ENTPD1: variants seen among roughly 807,000 people sequenced by gnomAD.
ENTPD1 encodes the protein ectonucleoside triphosphate diphosphohydrolase 1, also known as ATP diphosphohydrolase.
A neutral mutation model predicts 57.0 loss-of-function variants in ENTPD1; 33 were observed. The observed-to-expected ratio is 0.58, with a 90% CI of 0.44 to 0.77. ENTPD1 has a LOEUF of 0.77. Ranked by LOEUF, ENTPD1 falls within the 30% of genes least tolerant of loss-of-function variation. ENTPD1 has a pLI of 0.00. For synonymous variants in ENTPD1, 202 were observed against 218.8 expected (o/e 0.92, Z 0.68); for missense variants, 501 against 603.4 (o/e 0.83, Z 1.78).
intron 1 of ENTPD1, among the ~76,000 whole-genome samples, chr10:95,731,007 C>A (rs758492886): frequency 2.0e-4 from 31 of 152,218 alleles, no homozygotes; most frequent in Non-Finnish European, 4.3e-4. Context: ...AACTAGAATT[C>A]AAGTCTCCTC....
At chr10:95,727,946 A>G (rs1258155658) in intron 1 of ENTPD1, among the ~76,000 whole-genome samples, 1 of 152,204 alleles carries the variant, frequency 6.6e-6, no homozygotes, top group Non-Finnish European at 1.5e-5. Context: ...TAAATTATCT[A>G]AGTTTATTAT....
chr10:95,804,695 T>G (rs1275435140), intron 1 of ENTPD1, among the ~76,000 whole-genome samples: 2 of 152,192 alleles, frequency 1.3e-5, no homozygotes, highest in East Asian at 1.9e-4. Context: ...GATTGCCCTG[T>G]CCAGAACTTC....
chr10:95,821,996 CTTTTTTT>C (rs71034351), intron 1 of ENTPD1, among the ~76,000 whole-genome samples: 5 of 92,916 alleles, frequency 5.4e-5, no homozygotes, highest in African/African-American at 2.1e-4. Context: ...TAGCTTTTGC[CTTTTTTT>C]TTTTTTTTTT....
chr10:95,813,797 A>G (rs1445555030), intron 1 of ENTPD1, among the ~76,000 whole-genome samples: 1 of 152,198 alleles, frequency 6.6e-6, no homozygotes. Context: ...CATTGGTGCA[A>G]AAATAAGGCG....
chr10:95,858,972 ATG>A (rs1371445417), intron 7 of ENTPD1, among the ~76,000 whole-genome samples: 2 of 152,190 alleles, frequency 1.3e-5, no homozygotes, highest in African/African-American at 2.4e-5. Flanking sequence ...AACCCTTTAT[ATG>A]TGTGTGTTTG....
chr10:95,729,126 A>C (rs937219202), intron 1 of ENTPD1, among the ~76,000 whole-genome samples: 2 of 152,120 alleles, frequency 1.3e-5, no homozygotes, highest in African/African-American at 4.8e-5. Flanking sequence ...ATCCACATGT[A>C]AGTGGACTCT....
At chr10:95,801,726 C>T (rs1039542779) in intron 1 of ENTPD1, among the ~76,000 whole-genome samples, 3 of 152,114 alleles carry the variant, frequency 2.0e-5, no homozygotes, top group Non-Finnish European at 2.9e-5. Flanking sequence ...GTTTTGGTTA[C>T]TGTAACCCTG....
At chr10:95,845,034 A>G (rs964464261) in intron 5 of ENTPD1, among the ~76,000 whole-genome samples, 1 of 152,196 alleles carries the variant, frequency 6.6e-6, no homozygotes, top group African/African-American at 2.4e-5. Flanking sequence ...CCCCATATCG[A>G]TGCCTAGAGA....
chr10:95,849,180 G>T (rs948798111), intron 7 of ENTPD1, among the ~76,000 whole-genome samples: 2 of 152,172 alleles, frequency 1.3e-5, no homozygotes, highest in African/African-American at 4.8e-5. Context: ...AAATATTTGA[G>T]CAGAGGCAGA....
intron 2 of ENTPD1, among the ~76,000 whole-genome samples, chr10:95,835,362 CTA>C (rs1393099360): frequency 2.0e-5 from 3 of 152,136 alleles, no homozygotes; most frequent in African/African-American, 7.2e-5. Flanking sequence ...TGGGTTGATT[CTA>C]TGTCTTTGCT....
At position 95,868,229 on chromosome 10, in the gene ENTPD1, A is replaced by G. The variant is rs1380851204; in HGVS notation, c.*1846A>G. The G allele has an allele frequency of 1.0e-6, 1 of 985,310 alleles. No individual in the cohort carries two copies. The highest frequency in any genetic ancestry group is 1.7e-5 in the African/African-American group (1 of 57,232). 61.0% of individuals were successfully genotyped at this position (985,310 alleles called of 1,614,324 possible). ...AAAGCCTACCATGTACCTAACCTTT[A>G]TTTTCTTTCCCGAACATACCAGGCT... On this transcript the variant is annotated 3_prime_UTR_variant, in exon 10 of 10. Coordinates refer to ENST00000371205, the MANE Select transcript of ENTPD1 (RefSeq NM_001776.6).
intron 1 of ENTPD1, among the ~76,000 whole-genome samples, chr10:95,793,912 C>G (rs2098216085): frequency 6.6e-6 from 1 of 152,008 alleles, no homozygotes; most frequent in South Asian, 2.1e-4. Context: ...ATTGTGAAAT[C>G]AAATAGGATC....
Position 95,866,930 on chromosome 10 carries a change from C to G in ENTPD1, c.*547C>G, listed in dbSNP as rs1340817116. On this transcript the variant is annotated 3_prime_UTR_variant, in exon 10 of 10. Transcript: ENST00000371205. The stretch of plus-strand genomic sequence containing the variant: ...TACAGTAGGCAAATATGTGCTAAAG[C>G]CAAAGAGTTTTATAAGGAAATATAT... The G allele has an allele frequency of 9.9e-7, 1 of 1,013,702 alleles. No individual in the cohort carries two copies. 62.8% of individuals were successfully genotyped at this position (1,013,702 alleles called of 1,614,324 possible).
At position 95,740,710 on chromosome 10, in the gene ENTPD1, C is replaced by T. The variant is rs554526006; in HGVS notation, c.37+28717C>T. ...TCGTGTAGCCACTTTCATCAATGAT[C>T]TTAGCATGATCTTCTGGATACCTCA... On this transcript the variant is annotated intron_variant, in intron 1 of 9. Coordinates refer to the ENTPD1 transcript ENST00000453258. 1.6e-3 allele frequency among the ~76,000 whole-genome samples: 249 copies of T among 152,316 alleles called. 4 individuals carry two copies. The South Asian group carries it at 0.02, about 12-fold the overall frequency.
At chr10:95,825,868 G>A (rs1001357306) in intron 2 of ENTPD1, among the ~76,000 whole-genome samples, 3 of 152,304 alleles carry the variant, frequency 2.0e-5, no homozygotes, top group South Asian at 4.1e-4. Context: ...GTGAGCCACC[G>A]TGCCCGGCTG....
At chr10:95,783,334 A>G (rs952659467) in intron 1 of ENTPD1, among the ~76,000 whole-genome samples, 3 of 152,140 alleles carry the variant, frequency 2.0e-5, no homozygotes, top group African/African-American at 7.2e-5. Flanking sequence ...GAGACTGGAA[A>G]GCAAATCTTT....
intron 2 of ENTPD1, among the ~76,000 whole-genome samples, chr10:95,832,732 T>C (rs2098400191): frequency 6.6e-6 from 1 of 152,226 alleles, no homozygotes; most frequent in Non-Finnish European, 1.5e-5. Flanking sequence ...TGCTACTTTC[T>C]AGCCGAGACT....
chr10:95,872,464 T>C lies in ENTPD1; in HGVS notation c.*6081T>C. 1 of 985,306 alleles carries C rather than the reference T, an allele frequency of 1.0e-6. No homozygotes were observed. Among genetic ancestry groups the C allele is most frequent in the Non-Finnish European group, 1.2e-6 (1 of 829,794 alleles). The allele number at this position is 985,306 out of a possible 1,614,324, so 61.0% of individuals were successfully genotyped here. On this transcript the variant is annotated 3_prime_UTR_variant, in exon 10 of 10. Coordinates refer to ENST00000371205, the MANE Select transcript of ENTPD1 (RefSeq NM_001776.6). ...GTTGTCTTCTCAACTTGGAATACTC[T>C]TGCACCTTCAAAGCTCATTTCAAAT...
At chr10:95,712,648 C>T (rs564097116) in intron 1 of ENTPD1, among the ~76,000 whole-genome samples, 1 of 152,256 alleles carries the variant, frequency 6.6e-6, no homozygotes, top group Admixed American at 6.5e-5. Flanking sequence ...GGAGGGCCTA[C>T]CTGGTGCCAG....
Sources: allele counts gnomAD v4.1 joint callset (sites outside exome capture counted in the v4.1 genomes callset), GRCh38; gene constraint gnomAD v4.1.1; transcripts MANE v1.5; gene names NCBI Gene and HGNC (gene_info 2026-07-23, HGNC 2026-07-21).